Variants in KATNIP observed in about 807,000 individuals in gnomAD.
KATNIP encodes the protein katanin-interacting protein.
In KATNIP, 126 loss-of-function variants were observed where a neutral mutation model predicts 174.0. That is an observed-to-expected ratio of 0.72 (90% confidence interval 0.63 to 0.84). The LOEUF (loss-of-function observed/expected upper bound fraction) is 0.84. Among genes scored for constraint, KATNIP ranks in the 40% least tolerant of loss-of-function variants. The pLI, the probability that KATNIP is intolerant of heterozygous loss-of-function variation, is 0.00. For synonymous variants in KATNIP, 810 were observed against 835.7 expected (o/e 0.97, Z 0.53); for missense variants, 1,958 against 2,109.7 (o/e 0.93, Z 1.41).
At chr16:27,564,822 GGC>G (rs1443590164) in intron 1 of KATNIP, among the ~76,000 whole-genome samples, 1 of 151,854 alleles carries the variant, frequency 6.6e-6, no homozygotes, top group Admixed American at 6.6e-5. Flanking sequence ...TTGGAGTAAT[GGC>G]GCAATCTCAG....
intron 8 of KATNIP, among the ~76,000 whole-genome samples, chr16:27,686,392 T>C (rs1278435128): frequency 6.6e-6 from 1 of 152,244 alleles, no homozygotes; most frequent in African/African-American, 2.4e-5. Flanking sequence ...TTGTCTGATA[T>C]AAAGCTACTC....
intron 13 of KATNIP, among the ~76,000 whole-genome samples, chr16:27,714,019 G>C (rs933798421): frequency 6.6e-6 from 1 of 150,940 alleles, no homozygotes; most frequent in African/African-American, 2.4e-5. Flanking sequence ...CTCACACCCA[G>C]GCTCCAGCAG....
chr16:27,653,057 C>A (rs1055693791), intron 6 of KATNIP, among the ~76,000 whole-genome samples: 4 of 152,044 alleles, frequency 2.6e-5, no homozygotes, highest in Non-Finnish European at 5.9e-5. Context: ...CTTTCATAAT[C>A]CCACTGCCCC....
At chr16:27,554,324 A>G (rs992118595) in intron 1 of KATNIP, among the ~76,000 whole-genome samples, 12 of 152,102 alleles carry the variant, frequency 7.9e-5, no homozygotes, top group Non-Finnish European at 1.8e-4. Context: ...TTAGCTGGGC[A>G]TGGTGGCACA....
intron 23 of KATNIP, among the ~76,000 whole-genome samples, chr16:27,774,591 C>T (rs2082425499): frequency 6.6e-6 from 1 of 152,162 alleles, no homozygotes; most frequent in Admixed American, 6.5e-5. Context: ...CCGCCCCATT[C>T]CCTTCCAAAA....
intron 2 of KATNIP, among the ~76,000 whole-genome samples, chr16:27,597,229 A>G (rs1315149366): frequency 6.6e-6 from 1 of 151,940 alleles, no homozygotes; most frequent in Non-Finnish European, 1.5e-5. Flanking sequence ...CACCTTCTAG[A>G]TAAGGCTAAA....
At chr16:27,721,484 A>C in intron 13 of KATNIP, 74 bp from the exon 14 acceptor site, 3 of 1,582,314 alleles carry the variant, frequency 1.9e-6, no homozygotes, top group Non-Finnish European at 2.6e-6. Flanking sequence ...CGTGAGCCAA[A>C]GAGCCGCTGC....
intron 23 of KATNIP, among the ~76,000 whole-genome samples, chr16:27,774,010 C>G (rs2082404721): frequency 6.6e-6 from 1 of 152,212 alleles, no homozygotes; most frequent in Non-Finnish European, 1.5e-5. Flanking sequence ...TAATGTCACA[C>G]AGCCAGTGAG....
At chr16:27,739,089 G>A (rs953338500) in intron 14 of KATNIP, among the ~76,000 whole-genome samples, 2 of 152,196 alleles carry the variant, frequency 1.3e-5, no homozygotes, top group Admixed American at 6.5e-5. Context: ...TGGAAGCAGA[G>A]AGACCAATTA....
chr16:27,649,756 T>C (rs902716649), intron 6 of KATNIP, among the ~76,000 whole-genome samples: 2 of 152,130 alleles, frequency 1.3e-5, no homozygotes, highest in Non-Finnish European at 2.9e-5. Context: ...GTAAGTTCTC[T>C]GAAGAAAACA....
chr16:27,765,777 C>T (rs904060820), intron 19 of KATNIP, among the ~76,000 whole-genome samples: 2 of 152,242 alleles, frequency 1.3e-5, no homozygotes, highest in African/African-American at 2.4e-5. Flanking sequence ...GCTTTATAAT[C>T]AGTGTCCTGC....
intron 5 of KATNIP, among the ~76,000 whole-genome samples, chr16:27,641,363 G>C (rs1450534730): frequency 6.6e-6 from 1 of 152,054 alleles, no homozygotes; most frequent in Non-Finnish European, 1.5e-5. Flanking sequence ...GCCACCAGCA[G>C]CTGCCCACTT....
chr16:27,777,068 C>T lies in KATNIP; in HGVS notation c.4551+39C>T, dbSNP rs2082525666. ...AGCTGAGTTTTTTGAGATAATTATG[C>T]TCGTTGGTAATTAGGCCGCCGGCAA... On this transcript the variant is annotated intron_variant, in intron 25 of 27. Transcript: ENST00000261588. The surrounding 1 kb of genome is among the most constrained non-coding windows in gnomAD (Gnocchi z 4.4). 1 of 1,331,320 alleles carries T rather than the reference C, an allele frequency of 7.5e-7. No homozygotes were observed. Among genetic ancestry groups the T allele is most frequent in the Non-Finnish European group, 1.1e-6 (1 of 926,798 alleles). The allele number at this position is 1,331,320 out of a possible 1,614,324, so 82.5% of individuals were successfully genotyped here. A position where few individuals can be genotyped will look rare whatever the true frequency, so the allele number is the denominator to read the frequency against.
intron 13 of KATNIP, among the ~76,000 whole-genome samples, chr16:27,710,421 TC>T (rs1217543323): frequency 6.6e-6 from 1 of 152,180 alleles, no homozygotes. Context: ...TGGCATTTTT[TC>T]CTTCCTGCTA....
chr16:27,693,083 C>G (rs908691864), intron 8 of KATNIP, among the ~76,000 whole-genome samples: 4 of 152,296 alleles, frequency 2.6e-5, no homozygotes, highest in African/African-American at 9.6e-5. Flanking sequence ...AAGGAAGATA[C>G]TGGTGAGATC....
At chr16:27,767,589 C>G (rs950224429) in intron 20 of KATNIP, among the ~76,000 whole-genome samples, 1 of 152,306 alleles carries the variant, frequency 6.6e-6, no homozygotes, top group South Asian at 2.1e-4. Flanking sequence ...TGGCACACAC[C>G]TGTAGTCCCA....
At chr16:27,574,340 A>C (rs1252459137) in intron 2 of KATNIP, 1 of 231,882 alleles carries the variant, frequency 4.3e-6, no homozygotes, top group Middle Eastern at 1.7e-3. Flanking sequence ...TCTGCAGTTC[A>C]TGGCTGTGTC....
chr16:27,717,443 A>G (rs2080003429), intron 13 of KATNIP, among the ~76,000 whole-genome samples: 2 of 152,088 alleles, frequency 1.3e-5, no homozygotes, highest in African/African-American at 2.4e-5. Flanking sequence ...TAGCTGTTCC[A>G]TGGGCCATTA....
intron 2 of KATNIP, among the ~76,000 whole-genome samples, chr16:27,596,302 A>G (rs2075333587): frequency 6.6e-6 from 1 of 151,980 alleles, no homozygotes; most frequent in Non-Finnish European, 1.5e-5. Flanking sequence ...TGGATTAGAT[A>G]TGGGTGGGAG....
Sources: allele counts gnomAD v4.1 joint callset (sites outside exome capture counted in the v4.1 genomes callset), GRCh38; gene constraint gnomAD v4.1.1; non-coding constraint Gnocchi (gnomAD v3.1); transcripts MANE v1.5; gene names NCBI Gene and HGNC (gene_info 2026-07-23, HGNC 2026-07-21).